Variants in C2orf49 observed in about 807,000 individuals in gnomAD.
C2orf49 encodes the protein tRNA splicing ligase complex subunit 2.
In C2orf49, 11 loss-of-function variants were observed where a neutral mutation model predicts 20.6. The observed-to-expected ratio is 0.53, with a 90% CI of 0.34 to 0.88. C2orf49 has a LOEUF of 0.88. C2orf49 is among the 40% of genes least tolerant of loss of function. The probability of loss-of-function intolerance (pLI) is 0.02; values close to 1 mark genes in which losing one functional copy is unlikely to be tolerated. For missense variants in C2orf49, 289 were observed against 274.2 expected (o/e 1.05, Z -0.38); for synonymous variants, 134 against 108.5 (o/e 1.24, Z -1.46).
At chr2:105,377,627 A>G in the C2orf49 span, 1 of 167,570 alleles carries the variant, frequency 6.0e-6, no homozygotes, top group African/African-American at 2.4e-5. Context: ...CAAGAGTGAA[A>G]CTGTCTCCAA....
At chr2:105,354,283 C>G in the C2orf49 span, among the ~76,000 whole-genome samples, 2 of 152,112 alleles carry the variant, frequency 1.3e-5, no homozygotes, top group Admixed American at 6.6e-5. Flanking sequence ...AGAATGATTC[C>G]CTCATCAGTG....
the C2orf49 span, chr2:105,376,433 A>G: frequency 1.3e-5 from 2 of 152,248 alleles, no homozygotes; most frequent in African/African-American, 4.8e-5. Context: ...AATGTGGCTC[A>G]GTATTGCCTT....
the C2orf49 span, chr2:105,373,809 G>A: frequency 8.3e-6 from 12 of 1,444,928 alleles, no homozygotes; most frequent in East Asian, 4.6e-5. Flanking sequence ...GGCCCCTTGC[G>A]AATCTGCAGG....
downstream of C2orf49, among the ~76,000 whole-genome samples, chr2:105,352,855 A>G (rs1371355126): frequency 1.3e-5 from 2 of 152,176 alleles, no homozygotes; most frequent in South Asian, 2.1e-4. Flanking sequence ...TAGGTAGTTT[A>G]CTAGTTATAT....
chr2:105,342,000 C>G (rs987761892), intron 2 of C2orf49, among the ~76,000 whole-genome samples: 2 of 152,168 alleles, frequency 1.3e-5, no homozygotes, highest in Non-Finnish European at 2.9e-5. Context: ...TGGTGAAACC[C>G]CGTCTCTACT....
chr2:105,373,556 G>A, the C2orf49 span: 12 of 1,614,158 alleles, frequency 7.4e-6, no homozygotes, highest in South Asian at 1.1e-5. Context: ...AGTGCCTCCT[G>A]ACCTGGCATG....
At chr2:105,352,415 TTTTG>T (rs1679955336), downstream of C2orf49, among the ~76,000 whole-genome samples, 2 of 149,832 alleles carry the variant, frequency 1.3e-5, no homozygotes, top group African/African-American at 4.9e-5. Context: ...CCTTTTCTTC[TTTTG>T]TTTGTTTGGG....
At chr2:105,380,486 C>T in the C2orf49 span, among the ~76,000 whole-genome samples, 3 of 152,212 alleles carry the variant, frequency 2.0e-5, no homozygotes, top group Non-Finnish European at 2.9e-5. Context: ...GCCTCAGCCT[C>T]CCAAAGTGCT....
chr2:105,367,863 G>T, the C2orf49 span: 1 of 932,024 alleles, frequency 1.1e-6, no homozygotes, highest in Non-Finnish European at 1.6e-6. Flanking sequence ...TTCAGCTCTT[G>T]AAGGCTCGCC....
At chr2:105,367,830 GT>G in the C2orf49 span, 2 of 1,352,024 alleles carry the variant, frequency 1.5e-6, no homozygotes, top group South Asian at 1.4e-5. Context: ...CTGCCCTCTA[GT>G]TTTATGACCA....
Position 105,345,418 on chromosome 2 carries a change from A to G in C2orf49, c.*47A>G. On this transcript the variant is annotated 3_prime_UTR_variant, in exon 4 of 4. Transcript: ENST00000258457. ...AATATACTGTAACTGTAGTTTTTCA[A>G]ATATGTTCATATATATTGACAATAT... The G allele has an allele frequency of 7.2e-7, 1 of 1,385,160 alleles. No individual in the cohort carries two copies. Among genetic ancestry groups the G allele is most frequent in the East Asian group, 2.3e-5 (1 of 43,606 alleles). 85.8% of individuals were successfully genotyped at this position (1,385,160 alleles called of 1,614,324 possible). A position where few individuals can be genotyped will look rare whatever the true frequency, so the allele number is the denominator to read the frequency against.
At chr2:105,352,205 C>G (rs184437013), downstream of C2orf49, among the ~76,000 whole-genome samples, 17 of 152,224 alleles carry the variant, frequency 1.1e-4, no homozygotes, top group Admixed American at 9.8e-4. Context: ...CCACTCATTT[C>G]TAATGTTGCT....
downstream of C2orf49, among the ~76,000 whole-genome samples, chr2:105,352,932 A>T (rs1052366271): frequency 1.1e-4 from 16 of 152,130 alleles, no homozygotes; most frequent in Admixed American, 4.6e-4. Context: ...CTTGTAGAAG[A>T]TCCTCTCTTA....
chr2:105,356,383 T>A, the C2orf49 span, among the ~76,000 whole-genome samples: 1 of 150,800 alleles, frequency 6.6e-6, no homozygotes, highest in Non-Finnish European at 1.5e-5. Context: ...AGAGCAAAAC[T>A]CTGTCTCAAA....
At chr2:105,359,364 C>T in the C2orf49 span, 1 of 152,136 alleles carries the variant, frequency 6.6e-6, no homozygotes, top group Non-Finnish European at 1.5e-5. Context: ...TCTTTTTAAG[C>T]AAAACCTCAA....
rs1294884556 is a variant in C2orf49, at chr2:105,349,001, A to G, written c.*3630A>G. The G allele has an allele frequency of 6.6e-6, 1 of 152,164 alleles. No homozygotes were observed. Among genetic ancestry groups the G allele is most frequent in the African/African-American group, 2.4e-5 (1 of 41,428 alleles). The allele number at this position is 152,164 out of a possible 1,614,324, so 9.4% of individuals were successfully genotyped here. On this transcript the variant is annotated 3_prime_UTR_variant, in exon 4 of 4. Transcript: ENST00000258457. ...ATATCACGGTGCTACAGAGCCTGAC[A>G]TGTTGACTGTCACTACATGTTGAGG...
At chr2:105,383,978 G>T in the C2orf49 span, among the ~76,000 whole-genome samples, 2 of 152,204 alleles carry the variant, frequency 1.3e-5, no homozygotes, top group Non-Finnish European at 2.9e-5. Context: ...CAGCCTTGAT[G>T]ATTTTGGCTC....
the C2orf49 span, among the ~76,000 whole-genome samples, chr2:105,384,236 A>G: frequency 6.6e-6 from 1 of 152,236 alleles, no homozygotes; most frequent in Non-Finnish European, 1.5e-5. Flanking sequence ...TAAAGCTTTT[A>G]TAATTATATT....
the C2orf49 span, among the ~76,000 whole-genome samples, chr2:105,365,576 T>C: frequency 6.8e-6 from 1 of 147,426 alleles, no homozygotes; most frequent in Non-Finnish European, 1.5e-5. Context: ...AGAGGGTTCC[T>C]AAAATAAAAG....
Sources: allele counts gnomAD v4.1 joint callset (sites outside exome capture counted in the v4.1 genomes callset), GRCh38; gene constraint gnomAD v4.1.1; transcripts MANE v1.5; gene names NCBI Gene and HGNC (gene_info 2026-07-23, HGNC 2026-07-21).